Variants in PIK3C3 observed in about 807,000 individuals in gnomAD.
PIK3C3 encodes PI3-kinase type 3.
PIK3C3 carries 95 observed loss-of-function variants against 126.1 expected under a neutral mutation model. The ratio of observed to expected loss-of-function variants is 0.75; its 90% CI spans 0.64 to 0.89. PIK3C3 has a LOEUF of 0.89. Among genes scored for constraint, PIK3C3 ranks in the 40% least tolerant of loss-of-function variants. The probability of loss-of-function intolerance (pLI) is 0.00; values close to 1 mark genes in which losing one functional copy is unlikely to be tolerated. For synonymous variants in PIK3C3, 374 were observed against 360.0 expected (o/e 1.04, Z -0.44); for missense variants, 829 against 1,063.2 (o/e 0.78, Z 3.06).
At chr18:42,021,893 C>T (rs1268816593) in intron 13 of PIK3C3, among the ~76,000 whole-genome samples, 2 of 152,126 alleles carry the variant, frequency 1.3e-5, no homozygotes, top group Non-Finnish European at 2.9e-5. Context: ...AAATCCAAAA[C>T]ATTTCTGGTT....
intron 6 of PIK3C3, among the ~76,000 whole-genome samples, chr18:41,992,166 G>C (rs1232809775): frequency 6.6e-6 from 1 of 152,072 alleles, no homozygotes; most frequent in African/African-American, 2.4e-5. Flanking sequence ...ATTAATGCCT[G>C]TCTACCCACC....
At chr18:42,041,000 T>C (rs971468861) in intron 19 of PIK3C3, among the ~76,000 whole-genome samples, 1 of 151,960 alleles carries the variant, frequency 6.6e-6, no homozygotes, top group African/African-American at 2.4e-5. Context: ...CTGGCCAACA[T>C]GGTGAAACCT....
rs1298372116 is a variant in PIK3C3, at chr18:41,970,262, T to A, written c.402-65T>A. On this transcript the variant is annotated intron_variant, in intron 3 of 24. Transcript: ENST00000262039. The stretch of plus-strand genomic sequence containing the variant: ...ATAGAATTCTCTTTATTTTTAGGAA[T>A]CTAAAATTTCCTGTAATGAACTGTA... 5 of 1,355,844 alleles carry A rather than the reference T, an allele frequency of 3.7e-6. No homozygotes were observed. The Admixed American group carries it at 7.2e-5, about 19-fold the overall frequency. The allele number at this position is 1,355,844 out of a possible 1,614,324, so 84.0% of individuals were successfully genotyped here.
At chr18:42,079,557 T>C (rs2144541287) in intron 24 of PIK3C3, among the ~76,000 whole-genome samples, 1 of 145,756 alleles carries the variant, frequency 6.9e-6, no homozygotes, top group Non-Finnish European at 1.5e-5. Flanking sequence ...GCAAGCAGAG[T>C]TGCCACAGGC....
At chr18:42,043,205 TCTC>T (rs1210847983) in intron 19 of PIK3C3, among the ~76,000 whole-genome samples, 2 of 151,876 alleles carry the variant, frequency 1.3e-5, no homozygotes, top group African/African-American at 2.4e-5. Flanking sequence ...TTCAAGCAAT[TCTC>T]CTGCCTCAGC....
At chr18:42,024,729 C>G (rs1654568067) in intron 13 of PIK3C3, among the ~76,000 whole-genome samples, 1 of 152,128 alleles carries the variant, frequency 6.6e-6, no homozygotes, top group South Asian at 2.1e-4. Context: ...ACCACCACAC[C>G]TGGCAGACTT....
chr18:41,977,167 A>T (rs1449030923), intron 4 of PIK3C3, among the ~76,000 whole-genome samples: 1 of 152,220 alleles, frequency 6.6e-6, no homozygotes, highest in Non-Finnish European at 1.5e-5. Context: ...CACCCATTAC[A>T]TATCTATGCT....
At chr18:41,992,187 T>C (rs1243522213) in intron 6 of PIK3C3, among the ~76,000 whole-genome samples, 1 of 152,206 alleles carries the variant, frequency 6.6e-6, no homozygotes, top group Non-Finnish European at 1.5e-5. Flanking sequence ...CTGTCATATT[T>C]CCACTTAGTG....
At chr18:41,968,231 G>C (rs1042158748) in intron 3 of PIK3C3, among the ~76,000 whole-genome samples, 1 of 152,172 alleles carries the variant, frequency 6.6e-6, no homozygotes, top group African/African-American at 2.4e-5. Flanking sequence ...TGGGAAGGTA[G>C]AGAGAAGGAA....
chr18:42,067,327 T>C, intron 23 of PIK3C3, 61 bp from the exon 24 acceptor site: 1 of 1,495,844 alleles, frequency 6.7e-7, no homozygotes, highest in African/African-American at 1.4e-5. Context: ...AGTTTGATTC[T>C]GCCTGTTCAA....
rs112401335 is a variant in PIK3C3, at chr18:42,020,834, A to G, written c.1484+129A>G. ...TCAAAAGTCTAGATATAGTATTTAT[A>G]TCTAACTGTATTCCCTGACAGCTGG... On this transcript the variant is annotated intron_variant, in intron 13 of 24. Transcript: ENST00000262039. The G allele has an allele frequency of 1.5e-3, 885 of 582,220 alleles. 13 individuals carry two copies. Among genetic ancestry groups the G allele is most frequent in the African/African-American group, 0.015 (778 of 52,394 alleles). 36.1% of individuals were successfully genotyped at this position (582,220 alleles called of 1,614,324 possible).
chr18:42,070,391 C>T (rs1171950395), intron 24 of PIK3C3: 3 of 152,160 alleles, frequency 2.0e-5, no homozygotes, highest in Non-Finnish European at 4.4e-5. Context: ...GAATTAGTGG[C>T]ATGCTTTATT....
At chr18:41,982,000 T>G (rs1395689538) in intron 4 of PIK3C3, among the ~76,000 whole-genome samples, 1 of 151,748 alleles carries the variant, frequency 6.6e-6, no homozygotes, top group Non-Finnish European at 1.5e-5. Flanking sequence ...AAAAAGGTAC[T>G]GCATAGTTTA....
At chr18:41,982,569 A>G (rs1981260195) in intron 4 of PIK3C3, among the ~76,000 whole-genome samples, 2 of 152,152 alleles carry the variant, frequency 1.3e-5, no homozygotes. Flanking sequence ...CTCCACAATT[A>G]ATTGTTTCTT....
chr18:41,957,090 C>A (rs550080104), intron 1 of PIK3C3, among the ~76,000 whole-genome samples: 4 of 152,132 alleles, frequency 2.6e-5, no homozygotes, highest in African/African-American at 9.6e-5. Context: ...ATTTTTTTCC[C>A]CAGAAGCAAT....
intron 3 of PIK3C3, among the ~76,000 whole-genome samples, chr18:41,969,522 G>T (rs1430722672): frequency 1.3e-5 from 2 of 152,146 alleles, no homozygotes; most frequent in African/African-American, 4.8e-5. Context: ...TCACTTTGAA[G>T]CAGGATAACC....
At chr18:42,037,923 G>A in intron 17 of PIK3C3, 103 bp downstream of exon 17, 1 of 1,104,064 alleles carries the variant, frequency 9.1e-7, no homozygotes, top group Non-Finnish European at 1.3e-6. Flanking sequence ...TAACATTCAG[G>A]TACGATCCTA....
chr18:42,047,257 A>G (rs1984597779), intron 20 of PIK3C3, among the ~76,000 whole-genome samples: 1 of 152,148 alleles, frequency 6.6e-6, no homozygotes, highest in South Asian at 2.1e-4. Context: ...CAGTGATGTT[A>G]TTTTTCAAAA....
At chr18:41,983,342 C>A (rs1290901087) in intron 4 of PIK3C3, among the ~76,000 whole-genome samples, 1 of 151,606 alleles carries the variant, frequency 6.6e-6, no homozygotes, top group Non-Finnish European at 1.5e-5. Context: ...GGAAGAGTGA[C>A]CAAGGGCAGG....
Sources: gnomAD v4.1 joint callset for allele counts (sites outside exome capture counted in the v4.1 genomes callset) on GRCh38, gnomAD v4.1.1 for gene constraint, MANE v1.5 for transcripts, NCBI Gene and HGNC (gene_info 2026-07-23, HGNC 2026-07-21) for gene names.